The following PAX2 variants were observed in gnomAD, a reference collection of about 807,000 sequenced individuals.
PAX2 encodes the protein paired box 2.
Under a neutral mutation model 41.7 loss-of-function variants are expected in PAX2, and 9 were observed. The observed-to-expected ratio is 0.22, with a 90% CI of 0.13 to 0.38. The LOEUF is 0.38. Among genes scored for constraint, PAX2 ranks in the 10% least tolerant of loss-of-function variants. PAX2 has a pLI of 1.00. For synonymous variants in PAX2, 221 were observed against 212.7 expected, an observed-to-expected ratio of 1.04 and a Z score of -0.34; for missense variants, 418 against 531.6, an observed-to-expected ratio of 0.79 and a Z score of 2.10.
At chr10:100,737,157 G>T (rs534630358) in intron 1 of PAX2, among the ~76,000 whole-genome samples, 2 of 152,294 alleles carry the variant, frequency 1.3e-5, no homozygotes, top group South Asian at 2.1e-4. Flanking sequence ...CTCCGGGCAG[G>T]CGCTCTGCCT....
At chr10:100,807,255 G>T (rs776287280) in intron 6 of PAX2, among the ~76,000 whole-genome samples, 1 of 152,084 alleles carries the variant, frequency 6.6e-6, no homozygotes, top group Non-Finnish European at 1.5e-5. Context: ...CTATGTGCTG[G>T]TGTGCATGTG....
intron 3 of PAX2, among the ~76,000 whole-genome samples, chr10:100,774,791 G>C (rs896111296): frequency 9.2e-5 from 14 of 152,198 alleles, no homozygotes; most frequent in Non-Finnish European, 1.9e-4. Flanking sequence ...ACTGCCAGGG[G>C]TTTCACAGGA....
chr10:100,811,134 G>A (rs986293919), intron 7 of PAX2, among the ~76,000 whole-genome samples: 2 of 152,128 alleles, frequency 1.3e-5, no homozygotes, highest in African/African-American at 4.8e-5. Context: ...TGTGTGGAGA[G>A]GTGGGGGAGG....
chr10:100,820,032 G>A (rs1398231292), intron 7 of PAX2, among the ~76,000 whole-genome samples: 2 of 152,184 alleles, frequency 1.3e-5, no homozygotes, highest in Non-Finnish European at 2.9e-5. Flanking sequence ...CACTTCTGGG[G>A]ACTTTAAGAT....
chr10:100,736,596 C>G (rs1047151297), intron 1 of PAX2, among the ~76,000 whole-genome samples: 1 of 138,408 alleles, frequency 7.2e-6, no homozygotes, highest in Non-Finnish European at 1.5e-5. Flanking sequence ...CTTGCTCCCC[C>G]CTCCCCCAGC....
At chr10:100,781,619 G>T (rs1846632458) in intron 5 of PAX2, among the ~76,000 whole-genome samples, 1 of 152,214 alleles carries the variant, frequency 6.6e-6, no homozygotes, top group African/African-American at 2.4e-5. Context: ...GATCCCTGTG[G>T]GATGTCAGGA....
At chr10:100,743,797 C>T (rs142545498), upstream of PAX2, among the ~76,000 whole-genome samples, 3 of 152,330 alleles carry the variant, frequency 2.0e-5, no homozygotes, top group East Asian at 3.9e-4. Context: ...AAGAGACTGA[C>T]CTTAGAGGCT....
chr10:100,762,704 G>T (rs2133861605), intron 3 of PAX2, among the ~76,000 whole-genome samples: 1 of 152,278 alleles, frequency 6.6e-6, no homozygotes, highest in East Asian at 1.9e-4. Flanking sequence ...GGAGGTAGGA[G>T]AAATGATAAA....
intron 3 of PAX2, among the ~76,000 whole-genome samples, chr10:100,777,461 C>T (rs865948750): frequency 1.2e-4 from 17 of 145,542 alleles, no homozygotes; most frequent in Non-Finnish European, 1.6e-4. Context: ...GTGGCTTGAT[C>T]TTGGCTCACT....
chr10:100,750,875 G>A lies in PAX2; in HGVS notation c.394G>A (p.Val132Ile), dbSNP rs780688873. The A allele has an allele frequency of 8.1e-6, 13 of 1,613,762 alleles. No homozygotes were observed. The highest frequency in any genetic ancestry group is 5.0e-5 in the Admixed American group (3 of 60,012). Residue 132 changes from valine to isoleucine, a missense_variant, in exon 3 of 10, where the codon GTC (valine) becomes ATC (isoleucine). Coordinates refer to ENST00000355243, the MANE Select transcript of PAX2 (RefSeq NM_000278.5). This position sits in a 1 kb window ranked among gnomAD's most constrained non-coding sequence, Gnocchi z 4.1. ...GICDNDTVPS[V>I]SSINRIIRTK... is the part of the protein sequence containing the mutation. ...CTGTGACAATGACACAGTGCCCAGC[G>A]TCTCTTCCATCAACAGGTGAGCAAG...
In PAX2 at chr10:100,828,828, A is replaced by C. The variant is rs200462382; in HGVS notation, c.*1209A>C. 5 of 193,080 alleles carry C rather than the reference A, an allele frequency of 2.6e-5. No homozygotes were observed. Among genetic ancestry groups the C allele is most frequent in the Non-Finnish European group, 5.5e-5 (5 of 90,910 alleles). 12.0% of individuals were successfully genotyped at this position (193,080 alleles called of 1,614,324 possible). A position where few individuals can be genotyped will look rare whatever the true frequency, so the allele number is the denominator to read the frequency against. On this transcript the variant is annotated 3_prime_UTR_variant, in exon 10 of 10. Transcript: ENST00000355243. The surrounding 1 kb of genome is among the most constrained non-coding windows in gnomAD (Gnocchi z 6.5). ...TGATGGTCTTTGCAAAAAGGAACAA[A>C]ACAACACAAAAGCCCACCAGGCTGC...
At position 100,828,263 on chromosome 10, in the gene PAX2, G is replaced by C; in HGVS notation, c.*644G>C. Reference sequence around the variant, plus strand: ...TGGGGGTGTGGGGGTCCGGCTCTAGGAACGGGCTTTGGGGGCGTCAGGTCT... The same window carrying C: ...TGGGGGTGTGGGGGTCCGGCTCTAGCAACGGGCTTTGGGGGCGTCAGGTCT... On this transcript the variant is annotated 3_prime_UTR_variant, in exon 10 of 10. Coordinates refer to ENST00000355243, the MANE Select transcript of PAX2 (RefSeq NM_000278.5). The surrounding 1 kb of genome is among the most constrained non-coding windows in gnomAD (Gnocchi z 6.5). 4.3e-6 allele frequency: 1 copy of C among 232,934 alleles called. No homozygotes were observed. Among genetic ancestry groups the C allele is most frequent in the Non-Finnish European group, 8.5e-6 (1 of 117,904 alleles). The allele number at this position is 232,934 out of a possible 1,614,324, so 14.4% of individuals were successfully genotyped here.
intron 3 of PAX2, among the ~76,000 whole-genome samples, chr10:100,755,209 T>C (rs1446004972): frequency 6.6e-6 from 1 of 152,224 alleles, no homozygotes; most frequent in African/African-American, 2.4e-5. Flanking sequence ...TTTGTTTTTG[T>C]AGTTGTTTTA....
chr10:100,772,865 C>G (rs1033690030), intron 3 of PAX2, among the ~76,000 whole-genome samples: 42 of 152,182 alleles, frequency 2.8e-4, no homozygotes, highest in Non-Finnish European at 4.6e-4. Flanking sequence ...CTGTTCTAGA[C>G]AGCAGGAAAG....
rs145391942 is a variant in PAX2, at chr10:100,764,136, A to ATTT, written c.410+13268_410+13270dup. ...TGCTTTGTGTATGCACAAACATTGAATTTTTTTTTTTTTTTTTTTTTTTTT... is the reference window on the plus strand; with the variant it reads ...TGCTTTGTGTATGCACAAACATTGAATTTTTTTTTTTTTTTTTTTTTTTTTTTT... On this transcript the variant is annotated intron_variant, in intron 3 of 9. Coordinates refer to ENST00000355243, the MANE Select transcript of PAX2 (RefSeq NM_000278.5). Among the ~76,000 whole-genome samples the ATTT allele has an allele frequency of 1.7e-3, 174 of 103,738 alleles. 2 individuals carry two copies. Among genetic ancestry groups the ATTT allele is most frequent in the African/African-American group, 3.5e-3 (85 of 24,356 alleles). 68.1% of individuals were successfully genotyped at this position (103,738 alleles called of 152,430 possible). A position where few individuals can be genotyped will look rare whatever the true frequency, so the allele number is the denominator to read the frequency against.
intron 5 of PAX2, among the ~76,000 whole-genome samples, chr10:100,795,925 A>G (rs1344018186): frequency 6.6e-5 from 10 of 152,188 alleles, no homozygotes; most frequent in Admixed American, 6.5e-4. Flanking sequence ...TTCTCTCTCA[A>G]TATTACATCC....
chr10:100,767,230 C>A (rs1246539496), intron 3 of PAX2, among the ~76,000 whole-genome samples: 5 of 152,180 alleles, frequency 3.3e-5, no homozygotes, highest in Non-Finnish European at 7.3e-5. Flanking sequence ...CCCAATTCTC[C>A]TGCACACCCA....
intron 5 of PAX2, among the ~76,000 whole-genome samples, chr10:100,796,646 G>A (rs1847349060): frequency 6.6e-6 from 1 of 152,078 alleles, no homozygotes; most frequent in Non-Finnish European, 1.5e-5. Flanking sequence ...TCTTGCCATG[G>A]AATCCCTGGC....
At chr10:100,784,163 A>C (rs1323694269) in intron 5 of PAX2, among the ~76,000 whole-genome samples, 1 of 152,194 alleles carries the variant, frequency 6.6e-6, no homozygotes, top group Non-Finnish European at 1.5e-5. Context: ...CAGATGATTA[A>C]GAATAAGGGA....
Sources: gnomAD v4.1 joint callset for allele counts (sites outside exome capture counted in the v4.1 genomes callset) on GRCh38, gnomAD v4.1.1 for gene constraint, Gnocchi (gnomAD v3.1) non-coding constraint, MANE v1.5 for transcripts, NCBI Gene and HGNC (gene_info 2026-07-23, HGNC 2026-07-21) for gene names.